The following DCC variants were observed in gnomAD, a reference collection of about 807,000 sequenced individuals.
The protein encoded by DCC is netrin receptor DCC.
Under a neutral mutation model 172.5 loss-of-function variants are expected in DCC, and 58 were observed. The ratio of observed to expected loss-of-function variants is 0.34; its 90% CI spans 0.27 to 0.42. The LOEUF (loss-of-function observed/expected upper bound fraction) is 0.42. DCC is among the 10% of genes least tolerant of loss of function. The probability of loss-of-function intolerance (pLI) is 1.00; values close to 1 mark genes in which losing one functional copy is unlikely to be tolerated. For missense variants in DCC, 1,740 were observed against 1,791.0 expected (o/e 0.97, Z 0.51); for synonymous variants, 709 against 644.5 (o/e 1.10, Z -1.52).
chr18:53,380,846 C>CGGGGCTAAGCTGTTACCACTTTTTGT (rs1374103184), intron 15 of DCC, among the ~76,000 whole-genome samples: 2 of 152,210 alleles, frequency 1.3e-5, no homozygotes, highest in East Asian at 3.9e-4. Flanking sequence ...TTACTTTTTA[C>CGGGGCTAAGCTGTTACCACTTTTTGT]GGGGCTAAGC....
intron 1 of DCC, 113 bp downstream of exon 1, chr18:52,340,991 C>T (rs1238936332): frequency 8.1e-6 from 7 of 869,482 alleles, no homozygotes; most frequent in Non-Finnish European, 1.4e-5. Context: ...AGATTTGGCG[C>T]TTGCGCTGCC....
chr18:53,062,590 C>G (rs930842220), intron 5 of DCC, among the ~76,000 whole-genome samples: 13 of 151,996 alleles, frequency 8.6e-5, no homozygotes, highest in Non-Finnish European at 1.8e-4. Flanking sequence ...TAAGCCTGAG[C>G]CAAGTCATTA....
At chr18:53,304,676 G>C (rs1276655787) in intron 12 of DCC, among the ~76,000 whole-genome samples, 1 of 152,178 alleles carries the variant, frequency 6.6e-6, no homozygotes, top group Non-Finnish European at 1.5e-5. Context: ...ATGACTTTCA[G>C]TCCTTCCCCT....
chr18:52,951,609 G>C (rs1174763319), intron 5 of DCC, among the ~76,000 whole-genome samples: 1 of 152,104 alleles, frequency 6.6e-6, no homozygotes, highest in Non-Finnish European at 1.5e-5. Flanking sequence ...CAAAGGGCAT[G>C]AACTCATTCT....
At chr18:53,301,212 C>T (rs2057137133) in intron 12 of DCC, among the ~76,000 whole-genome samples, 1 of 151,692 alleles carries the variant, frequency 6.6e-6, no homozygotes, top group African/African-American at 2.4e-5. Flanking sequence ...GTCTCAGCCT[C>T]CCAAGTAGGT....
Position 52,352,174 on chromosome 18 carries a change from C to A in DCC, c.91+11296C>A, listed in dbSNP as rs557223518. Reference sequence around the variant, plus strand: ...GCTATATACAATATCTATTCCAATGCCTGACTTATAATAAGTATTTCATAA... The same window carrying A: ...GCTATATACAATATCTATTCCAATGACTGACTTATAATAAGTATTTCATAA... On this transcript the variant is annotated intron_variant, in intron 1 of 28. Transcript: ENST00000442544. Among the ~76,000 whole-genome samples, 8 of 152,256 alleles carry A rather than the reference C, an allele frequency of 5.3e-5. No individual in the cohort carries two copies. In the East Asian group the frequency reaches 1.2e-3, roughly 22 times the overall value.
At chr18:52,876,597 T>C (rs548481844) in intron 2 of DCC, among the ~76,000 whole-genome samples, 1 of 152,334 alleles carries the variant, frequency 6.6e-6, no homozygotes, top group Non-Finnish European at 1.5e-5. Context: ...CCATAATGTT[T>C]AGGGTTAATT....
chr18:52,397,993 A>G (rs1986294936), intron 1 of DCC, among the ~76,000 whole-genome samples: 1 of 151,962 alleles, frequency 6.6e-6, no homozygotes, highest in Non-Finnish European at 1.5e-5. Context: ...TTTGCTTTTA[A>G]GTAATAGGGC....
At chr18:53,032,278 A>C (rs924878978) in intron 5 of DCC, among the ~76,000 whole-genome samples, 2 of 152,190 alleles carry the variant, frequency 1.3e-5, no homozygotes, top group African/African-American at 2.4e-5. Flanking sequence ...AGGAAAAAGA[A>C]GAAAATATAT....
chr18:52,991,199 T>C (rs549081527), intron 5 of DCC, among the ~76,000 whole-genome samples: 1 of 152,222 alleles, frequency 6.6e-6, no homozygotes, highest in Non-Finnish European at 1.5e-5. Flanking sequence ...CTGTGGCATA[T>C]AGCAGCACAG....
rs1270807628 is a variant in DCC, at chr18:53,100,503, AAGG to A, written c.1261+34340_1261+34342del. Among the ~76,000 whole-genome samples, 8 of 152,176 alleles carry A rather than the reference AAGG, an allele frequency of 5.3e-5. No individual in the cohort carries two copies. In the East Asian group the frequency reaches 1.4e-3, roughly 26 times the overall value. ...GTCAGAGAAAAGAGAGAGACAGAAAAAGGAGAACGAGGACAATAGGTACAAGGG... is the reference window on the plus strand; with the variant it reads ...GTCAGAGAAAAGAGAGAGACAGAAAAAGAACGAGGACAATAGGTACAAGGG... On this transcript the variant is annotated intron_variant, in intron 7 of 28. Coordinates refer to ENST00000442544, the MANE Select transcript of DCC (RefSeq NM_005215.4).
chr18:52,733,696 A>G lies in DCC; in HGVS notation c.92-18358A>G, dbSNP rs533597735. 7.9e-5 allele frequency among the ~76,000 whole-genome samples: 12 copies of G among 152,104 alleles called. No homozygotes were observed. In the South Asian group the frequency reaches 8.3e-4, roughly 11 times the overall value. On this transcript the variant is annotated intron_variant, in intron 1 of 28. Coordinates refer to ENST00000442544, the MANE Select transcript of DCC (RefSeq NM_005215.4). ...GTTTTTGTAAAGACATGTTCTCGCT[A>G]TGTTACCTAGGGTGGTCTCAAACTC...
In DCC at chr18:53,023,401, CA is replaced by C. The variant is rs869070422; in HGVS notation, c.986-39876del. 3.2e-3 allele frequency among the ~76,000 whole-genome samples: 79 copies of C among 24,418 alleles called. 9 individuals carry two copies. Among genetic ancestry groups the C allele is most frequent in the African/African-American group, 0.012 (64 of 5,192 alleles). 16.0% of individuals were successfully genotyped at this position (24,418 alleles called of 152,430 possible). On this transcript the variant is annotated intron_variant, in intron 5 of 28. Coordinates refer to ENST00000442544, the MANE Select transcript of DCC (RefSeq NM_005215.4). ...GGACAAACACATATATAACTCAGAC[CA>C]AAAAAAAAAAAAAAAAAAAAAAAAA... is the stretch of plus-strand genomic sequence containing the variant.
chr18:52,785,249 A>T (rs893533003), intron 2 of DCC, among the ~76,000 whole-genome samples: 4 of 152,038 alleles, frequency 2.6e-5, no homozygotes, highest in Non-Finnish European at 5.9e-5. Context: ...GCTATCTTTA[A>T]CATGTGTAGT....
chr18:53,194,661 G>T (rs771662557), intron 9 of DCC, among the ~76,000 whole-genome samples: 2 of 152,022 alleles, frequency 1.3e-5, no homozygotes, highest in African/African-American at 2.4e-5. Flanking sequence ...GTAGAGACAG[G>T]GTTTCACCCT....
intron 2 of DCC, among the ~76,000 whole-genome samples, chr18:52,905,265 A>G (rs1021511968): frequency 6.6e-6 from 1 of 152,208 alleles, no homozygotes; most frequent in Non-Finnish European, 1.5e-5. Flanking sequence ...ATTCATATGA[A>G]TGAATCATTT....
At chr18:53,301,225 G>A (rs1003630314) in intron 12 of DCC, among the ~76,000 whole-genome samples, 7 of 151,672 alleles carry the variant, frequency 4.6e-5, no homozygotes, top group Non-Finnish European at 1.0e-4. Context: ...AAGTAGGTGG[G>A]ATTACAGGCA....
chr18:52,958,397 C>T (rs1249081879), intron 5 of DCC, among the ~76,000 whole-genome samples: 1 of 151,932 alleles, frequency 6.6e-6, no homozygotes, highest in Non-Finnish European at 1.5e-5. Context: ...GAAATTTGTA[C>T]TTGGATATGA....
At chr18:52,841,297 C>CAAAAG (rs1555671982) in intron 2 of DCC, among the ~76,000 whole-genome samples, 1 of 102,568 alleles carries the variant, frequency 9.7e-6, no homozygotes. Context: ...AAAAAAAAAA[C>CAAAAG]AACACTCTGA....
Sources: gnomAD v4.1 joint callset for allele counts (sites outside exome capture counted in the v4.1 genomes callset) on GRCh38, gnomAD v4.1.1 for gene constraint, MANE v1.5 for transcripts, NCBI Gene and HGNC (gene_info 2026-07-23, HGNC 2026-07-21) for gene names.